The following GRM8 variants were observed in gnomAD, a reference collection of about 807,000 sequenced individuals.
GRM8 encodes the protein metabotropic glutamate receptor 8.
A neutral mutation model predicts 87.2 loss-of-function variants in GRM8; 47 were observed. That is an observed-to-expected ratio of 0.54 (90% CI 0.43 to 0.69). The LOEUF is 0.69. GRM8 is among the 30% of genes least tolerant of loss of function. The pLI, the probability that GRM8 is intolerant of heterozygous loss-of-function variation, is 0.00. For missense variants in GRM8, 1,019 were observed against 1,139.2 expected (o/e 0.89, Z 1.52); for synonymous variants, 396 against 404.5 (o/e 0.98, Z 0.25).
intron 8 of GRM8, among the ~76,000 whole-genome samples, chr7:126,543,615 A>G (rs1816792151): frequency 6.6e-6 from 1 of 152,208 alleles, no homozygotes; most frequent in African/African-American, 2.4e-5. Flanking sequence ...ACTGGTTTTG[A>G]AAGGCCGATC....
intron 2 of GRM8, among the ~76,000 whole-genome samples, chr7:127,231,478 C>T (rs954572437): frequency 2.6e-5 from 4 of 152,168 alleles, no homozygotes; most frequent in African/African-American, 9.7e-5. Flanking sequence ...ACAGGTGGCA[C>T]AAGATAGGTC....
chr7:127,008,607 T>C (rs1814557247), intron 3 of GRM8, among the ~76,000 whole-genome samples: 1 of 152,132 alleles, frequency 6.6e-6, no homozygotes, highest in African/African-American at 2.4e-5. Flanking sequence ...AGTAAAACAT[T>C]TACCTAAGCC....
At chr7:126,753,958 C>T (rs973259348) in intron 7 of GRM8, among the ~76,000 whole-genome samples, 1 of 151,868 alleles carries the variant, frequency 6.6e-6, no homozygotes, top group South Asian at 2.1e-4. Flanking sequence ...ACTTTTCAAT[C>T]ACGGTGATTA....
intron 6 of GRM8, among the ~76,000 whole-genome samples, chr7:126,813,725 T>C (rs1400167431): frequency 2.0e-5 from 3 of 152,098 alleles, no homozygotes; most frequent in Non-Finnish European, 2.9e-5. Context: ...GAAACTTGTA[T>C]GCCTATTTTC....
chr7:126,733,679 C>T (rs1041736935), intron 7 of GRM8, among the ~76,000 whole-genome samples: 1 of 151,892 alleles, frequency 6.6e-6, no homozygotes, highest in African/African-American at 2.4e-5. Flanking sequence ...AAAAATACAT[C>T]ATCATGTTGA....
intron 7 of GRM8, among the ~76,000 whole-genome samples, chr7:126,639,992 G>C (rs760724130): frequency 7.9e-5 from 12 of 152,172 alleles, no homozygotes; most frequent in Non-Finnish European, 1.3e-4. Context: ...AGCACTCCAT[G>C]TGGTTCAAAT....
At chr7:126,490,044 C>T (rs906715030) in intron 9 of GRM8, among the ~76,000 whole-genome samples, 1 of 152,050 alleles carries the variant, frequency 6.6e-6, no homozygotes, top group African/African-American at 2.4e-5. Context: ...GACACCATTG[C>T]CCACTGGCTT....
intron 2 of GRM8, among the ~76,000 whole-genome samples, chr7:127,107,950 C>T (rs984783725): frequency 3.9e-5 from 6 of 152,202 alleles, no homozygotes; most frequent in African/African-American, 1.4e-4. Context: ...ATTCATTCAG[C>T]TTCCATGTAA....
chr7:126,887,642 G>C (rs1023040929), intron 6 of GRM8, among the ~76,000 whole-genome samples: 4 of 151,866 alleles, frequency 2.6e-5, no homozygotes, highest in African/African-American at 9.7e-5. Context: ...CCTCCCCCTC[G>C]CAATACACAC....
rs1039686011 is a variant in GRM8 at position 126,959,034 on chromosome 7, G to A, written c.728-54351C>T. On this transcript the variant is annotated intron_variant, in intron 3 of 10. Coordinates refer to ENST00000339582, the MANE Select transcript of GRM8 (RefSeq NM_000845.3). The stretch of plus-strand genomic sequence containing the variant: ...AGAAACATGGAAAAAATTTAACCTG[G>A]GTAGAAGGAAGGAGAAATCTGGAAG... Among the ~76,000 whole-genome samples the A allele has an allele frequency of 2.0e-5, 3 of 152,084 alleles. No homozygotes were observed. The South Asian group carries it at 6.2e-4, about 32-fold the overall frequency.
chr7:127,156,150 T>A (rs1265441471), intron 2 of GRM8, among the ~76,000 whole-genome samples: 1 of 152,156 alleles, frequency 6.6e-6, no homozygotes, highest in African/African-American at 2.4e-5. Flanking sequence ...GCAGCCAGTG[T>A]GGAGGAAGGA....
intron 2 of GRM8, among the ~76,000 whole-genome samples, chr7:127,235,165 T>C (rs1292163929): frequency 6.6e-6 from 1 of 152,320 alleles, no homozygotes; most frequent in Non-Finnish European, 1.5e-5. Flanking sequence ...ACCCCAAACA[T>C]AGGCATTTAT....
chr7:127,123,756 G>C (rs567262863), intron 2 of GRM8, among the ~76,000 whole-genome samples: 24 of 152,046 alleles, frequency 1.6e-4, no homozygotes, highest in African/African-American at 5.6e-4. Context: ...TTCAATATGG[G>C]TCAAATATTT....
chr7:126,711,921 G>A (rs1410375544), intron 7 of GRM8, among the ~76,000 whole-genome samples: 1 of 152,212 alleles, frequency 6.6e-6, no homozygotes, highest in Non-Finnish European at 1.5e-5. Flanking sequence ...TGTTGTGACT[G>A]GTTTGATCTT....
chr7:127,003,265 T>A (rs1043493470), intron 3 of GRM8, among the ~76,000 whole-genome samples: 1 of 151,798 alleles, frequency 6.6e-6, no homozygotes, highest in African/African-American at 2.4e-5. Context: ...GAATTTTAAA[T>A]ACAAGTGGCA....
chr7:127,231,143 G>A (rs1348948098), intron 2 of GRM8, among the ~76,000 whole-genome samples: 1 of 152,116 alleles, frequency 6.6e-6, no homozygotes, highest in East Asian at 1.9e-4. Context: ...CCTGTTGGTG[G>A]GTTGATTGAA....
intron 6 of GRM8, among the ~76,000 whole-genome samples, chr7:126,875,435 G>A (rs377436170): frequency 2.6e-4 from 39 of 152,068 alleles, no homozygotes; most frequent in African/African-American, 8.4e-4. Context: ...ACCATCCTCC[G>A]CATTGGTGTC....
At chr7:126,545,666 T>A (rs1296337887) in intron 8 of GRM8, among the ~76,000 whole-genome samples, 1 of 152,170 alleles carries the variant, frequency 6.6e-6, no homozygotes, top group Non-Finnish European at 1.5e-5. Context: ...ATGTTATACA[T>A]AAATAATTAC....
chr7:127,016,138 T>C (rs938502005), intron 3 of GRM8, among the ~76,000 whole-genome samples: 7 of 152,082 alleles, frequency 4.6e-5, no homozygotes, highest in African/African-American at 1.7e-4. Context: ...TATTCTATCC[T>C]ATTGGAAAAC....
Sources: gnomAD v4.1 joint callset for allele counts (sites outside exome capture counted in the v4.1 genomes callset) on GRCh38, gnomAD v4.1.1 for gene constraint, MANE v1.5 for transcripts, NCBI Gene and HGNC (gene_info 2026-07-23, HGNC 2026-07-21) for gene names.